PTPN13: variants seen among roughly 807,000 people sequenced by gnomAD.
PTPN13 encodes tyrosine-protein phosphatase non-receptor type 13.
Under a neutral mutation model 284.0 loss-of-function variants are expected in PTPN13, and 191 were observed. That is an observed-to-expected ratio of 0.67 (90% CI 0.60 to 0.76). The LOEUF (loss-of-function observed/expected upper bound fraction) is 0.76. PTPN13 is among the 30% of genes least tolerant of loss of function. The pLI is 0.00. For synonymous variants in PTPN13, 986 were observed against 1,022.3 expected, an observed-to-expected ratio of 0.96 and a Z score of 0.68; for missense variants, 2,797 against 2,939.9, an observed-to-expected ratio of 0.95 and a Z score of 1.12.
At chr4:86,645,702 T>C (rs1342121087) in intron 2 of PTPN13, among the ~76,000 whole-genome samples, 1 of 152,094 alleles carries the variant, frequency 6.6e-6, no homozygotes, top group Non-Finnish European at 1.5e-5. Flanking sequence ...AACACCTAAA[T>C]AGAGAGCTAT....
At chr4:86,741,010 C>T (rs930338966) in intron 15 of PTPN13, among the ~76,000 whole-genome samples, 1 of 152,210 alleles carries the variant, frequency 6.6e-6, no homozygotes, top group African/African-American at 2.4e-5. Context: ...CTGAGACCAC[C>T]TCAGCCTGGA....
At chr4:86,672,217 T>C (rs1727787448) in intron 2 of PTPN13, 148 bp from the exon 3 acceptor site, 1 of 539,554 alleles carries the variant, frequency 1.9e-6, no homozygotes. Context: ...TTTTGTAGCA[T>C]GTTGATTTGG....
intron 40 of PTPN13, among the ~76,000 whole-genome samples, chr4:86,795,352 C>T (rs1292587108): frequency 6.6e-6 from 1 of 152,126 alleles, no homozygotes; most frequent in Non-Finnish European, 1.5e-5. Flanking sequence ...CCATCTCATG[C>T]CGGTTAGAAT....
At chr4:86,749,594 A>T (rs1350237365) in intron 17 of PTPN13, among the ~76,000 whole-genome samples, 1 of 152,208 alleles carries the variant, frequency 6.6e-6, no homozygotes, top group Non-Finnish European at 1.5e-5. Flanking sequence ...TTAAAATATC[A>T]CTGTGACATT....
chr4:86,603,430 T>C (rs990369117), intron 1 of PTPN13, among the ~76,000 whole-genome samples: 1 of 152,182 alleles, frequency 6.6e-6, no homozygotes, highest in African/African-American at 2.4e-5. Context: ...GGCTAAGTAC[T>C]GTGTAATATA....
chr4:86,654,039 T>G (rs1310991792), intron 2 of PTPN13, among the ~76,000 whole-genome samples: 1 of 152,172 alleles, frequency 6.6e-6, no homozygotes, highest in Non-Finnish European at 1.5e-5. Flanking sequence ...GAGGGAAATT[T>G]ATAGCACTAA....
At chr4:86,757,106 A>G (rs1255691030) in intron 20 of PTPN13, among the ~76,000 whole-genome samples, 1 of 152,220 alleles carries the variant, frequency 6.6e-6, no homozygotes, top group Non-Finnish European at 1.5e-5. Context: ...ATTGCGAAGT[A>G]GATGAATTAA....
At chr4:86,688,130 G>C (rs1729636295) in intron 4 of PTPN13, among the ~76,000 whole-genome samples, 1 of 152,114 alleles carries the variant, frequency 6.6e-6, no homozygotes. Context: ...GGAGGGTCAG[G>C]ACAGATTTCT....
In PTPN13 at chr4:86,750,708, T is replaced by C. The variant is rs1737288260; in HGVS notation, c.2889T>C (p.Pro963=). The C allele has an allele frequency of 6.2e-7, 1 of 1,613,690 alleles. No individual in the cohort carries two copies. Among genetic ancestry groups the C allele is most frequent in the Admixed American group, 1.7e-5 (1 of 59,976 alleles). Residue 963 remains proline (P), a synonymous_variant, in exon 18 of 48, where the codon CCT becomes CCC. Transcript: ENST00000411767. ...ACAAAGCTTCATGGGAGGAAAAGCCTAGAGAGATGAGTAAATCATACCATG... is the reference window on the plus strand; with the variant it reads ...ACAAAGCTTCATGGGAGGAAAAGCCCAGAGAGATGAGTAAATCATACCATG... ...KNDKASWEEK[P]REMSKSYHDL... is the part of the protein sequence containing the mutation.
intron 7 of PTPN13, among the ~76,000 whole-genome samples, chr4:86,708,345 GA>G (rs1416782152): frequency 6.6e-6 from 1 of 151,964 alleles, no homozygotes; most frequent in East Asian, 1.9e-4. Context: ...GTTTAAGTAA[GA>G]ATACAACTGA....
intron 9 of PTPN13, among the ~76,000 whole-genome samples, chr4:86,719,044 CAG>C (rs1432732763): frequency 6.6e-6 from 1 of 152,032 alleles, no homozygotes; most frequent in East Asian, 1.9e-4. Flanking sequence ...AAACACGTGA[CAG>C]GGGTTTGTAT....
chr4:86,794,828 G>A (rs1743134680), intron 40 of PTPN13, among the ~76,000 whole-genome samples: 1 of 152,154 alleles, frequency 6.6e-6, no homozygotes. Flanking sequence ...ATAGTGCTGG[G>A]AAAACTGGCT....
intron 2 of PTPN13, among the ~76,000 whole-genome samples, chr4:86,667,873 T>C (rs1727258809): frequency 6.6e-6 from 1 of 152,196 alleles, no homozygotes. Context: ...CTTACCATGT[T>C]TGTTGCCTAG....
At position 86,635,361 on chromosome 4, in the gene PTPN13, AT is replaced by A; in HGVS notation, c.107del (p.Phe36SerfsTer4). 1 of 1,596,564 alleles carries A rather than the reference AT, an allele frequency of 6.3e-7. No homozygotes were observed. Among genetic ancestry groups the A allele is most frequent in the Non-Finnish European group, 8.5e-7 (1 of 1,171,404 alleles). On this transcript the variant is annotated frameshift_variant, in exon 2 of 48. Coordinates refer to ENST00000411767, the MANE Select transcript of PTPN13 (RefSeq NM_080683.3). LOFTEE classifies it high-confidence loss of function. Reference sequence around the variant, plus strand: ...AAAGTGCTGAAAGTCTCCAAGAATTATTCAGAAAAGGTAAGCTGCTGCTGCT... The same window carrying A: ...AAAGTGCTGAAAGTCTCCAAGAATTATCAGAAAAGGTAAGCTGCTGCTGCT... ...NQSAESLQEL[F>X]RKVSLADPAA...
At chr4:86,722,744 T>C (rs1733809186) in intron 10 of PTPN13, among the ~76,000 whole-genome samples, 1 of 152,224 alleles carries the variant, frequency 6.6e-6, no homozygotes, top group African/African-American at 2.4e-5. Context: ...GGATTATTTT[T>C]TCATATTAAG....
intron 1 of PTPN13, among the ~76,000 whole-genome samples, chr4:86,613,846 A>G (rs1720231928): frequency 1.3e-5 from 2 of 152,174 alleles, no homozygotes; most frequent in East Asian, 3.9e-4. Flanking sequence ...ATTCTGTCTC[A>G]GTACCATTAG....
At chr4:86,603,719 C>T (rs1764512028) in intron 1 of PTPN13, among the ~76,000 whole-genome samples, 1 of 151,924 alleles carries the variant, frequency 6.6e-6, no homozygotes, top group Non-Finnish European at 1.5e-5. Flanking sequence ...GTCATTTTGT[C>T]TTCACAGCTA....
At chr4:86,744,110 A>T (rs1241533657) in intron 16 of PTPN13, among the ~76,000 whole-genome samples, 2 of 152,094 alleles carry the variant, frequency 1.3e-5, no homozygotes, top group Non-Finnish European at 2.9e-5. Flanking sequence ...CTTTCTCTAT[A>T]TTTGGCACAA....
chr4:86,657,474 C>A (rs1052280808), intron 2 of PTPN13, among the ~76,000 whole-genome samples: 1 of 152,156 alleles, frequency 6.6e-6, no homozygotes, highest in African/African-American at 2.4e-5. Flanking sequence ...TCTTTTCTCT[C>A]TTTTCCCCAG....
Sources: gnomAD v4.1 joint callset for allele counts (sites outside exome capture counted in the v4.1 genomes callset) on GRCh38, gnomAD v4.1.1 for gene constraint, MANE v1.5 for transcripts, NCBI Gene and HGNC (gene_info 2026-07-23, HGNC 2026-07-21) for gene names.